RWDD4: variants seen among roughly 807,000 people sequenced by gnomAD.
RWDD4 encodes RWD domain containing 4, also known as RWD domain-containing protein 4.
In RWDD4, 16 loss-of-function variants were observed where a neutral mutation model predicts 30.0. The ratio of observed to expected loss-of-function variants is 0.53; its 90% CI spans 0.36 to 0.81. The LOEUF (loss-of-function observed/expected upper bound fraction) is 0.81. Among genes scored for constraint, RWDD4 ranks in the 30% least tolerant of loss-of-function variants. The probability of loss-of-function intolerance (pLI) is 0.00; values close to 1 mark genes in which losing one functional copy is unlikely to be tolerated. For missense variants in RWDD4, 170 were observed against 223.9 expected (o/e 0.76, Z 1.54); for synonymous variants, 45 against 72.1 (o/e 0.62, Z 1.90).
In RWDD4 at chr4:183,649,582, G is replaced by A; in HGVS notation, c.364-14C>T. ...GCTTATCGATGTCTAAAAAAAAAAA[G>A]AAATAATTCTCAGCCTCATACCTTA... On this transcript the variant is annotated splice_polypyrimidine_tract_variant and intron_variant, in intron 4 of 7. Transcript: ENST00000326397. 2 of 1,270,580 alleles carry A rather than the reference G, an allele frequency of 1.6e-6. No individual in the cohort carries two copies. The highest frequency in any genetic ancestry group is 2.3e-6 in the Non-Finnish European group (2 of 886,166). 78.7% of individuals were successfully genotyped at this position (1,270,580 alleles called of 1,614,324 possible).
chr4:183,645,364 G>A (rs1733947182), intron 7 of RWDD4, among the ~76,000 whole-genome samples: 2 of 152,120 alleles, frequency 1.3e-5, no homozygotes. Flanking sequence ...AGAAAAATCT[G>A]AGACATGTAG....
At chr4:183,656,824 G>A (rs1734204097) in intron 1 of RWDD4, among the ~76,000 whole-genome samples, 1 of 152,086 alleles carries the variant, frequency 6.6e-6, no homozygotes, top group Non-Finnish European at 1.5e-5. Flanking sequence ...TCAGGAGTTC[G>A]AGGTCAGCCT....
chr4:183,642,252 C>G (rs1349888812), intron 7 of RWDD4, among the ~76,000 whole-genome samples: 1 of 80,068 alleles, frequency 1.2e-5, no homozygotes, highest in African/African-American at 8.6e-5. Context: ...TGCAGTGGCG[C>G]GATCTCGGCT....
chr4:183,643,102 A>G (rs1733894822), intron 7 of RWDD4, among the ~76,000 whole-genome samples: 1 of 135,626 alleles, frequency 7.4e-6, no homozygotes, highest in Non-Finnish European at 1.5e-5. Context: ...AAATAAATAA[A>G]TAAAATAAAA....
At chr4:183,645,668 C>T (rs1733953776) in intron 7 of RWDD4, among the ~76,000 whole-genome samples, 1 of 151,534 alleles carries the variant, frequency 6.6e-6, no homozygotes, top group African/African-American at 2.4e-5. Context: ...AGTCAGGAGG[C>T]TGAGGATCAC....
chr4:183,652,613 C>T (rs1734103842), intron 2 of RWDD4, among the ~76,000 whole-genome samples: 1 of 152,002 alleles, frequency 6.6e-6, no homozygotes, highest in Non-Finnish European at 1.5e-5. Flanking sequence ...AGATCGAGAC[C>T]ATCCTGGCCA....
chr4:183,643,634 G>A lies in RWDD4; in HGVS notation c.535-2166C>T, dbSNP rs990416571. The stretch of plus-strand genomic sequence containing the variant: ...AACCTCCTTAAAAATATCTTCTTTC[G>A]GGCTGGGCATGGTGGCTCAAGCCTG... On this transcript the variant is annotated intron_variant, in intron 7 of 7. Transcript: ENST00000326397. Among the ~76,000 whole-genome samples, 11 of 149,652 alleles carry A rather than the reference G, an allele frequency of 7.4e-5. No homozygotes were observed. In the East Asian group the frequency reaches 1.0e-3, roughly 14 times the overall value.
intron 5 of RWDD4, 66 bp downstream of exon 5, chr4:183,649,385 G>A: frequency 9.5e-7 from 1 of 1,052,740 alleles, no homozygotes; most frequent in Non-Finnish European, 1.4e-6. Flanking sequence ...CTGCACTCCA[G>A]CCTGGGCAAC....
At chr4:183,657,563 T>C (rs1463220405) in intron 1 of RWDD4, among the ~76,000 whole-genome samples, 2 of 152,290 alleles carry the variant, frequency 1.3e-5, no homozygotes, top group East Asian at 1.9e-4. Context: ...AATGTAGAAG[T>C]TGAAGATGAA....
rs1734319138 is a variant in RWDD4, at chr4:183,659,180, G to C, written c.-228C>G. The C allele has an allele frequency of 2.5e-6, 1 of 394,610 alleles. No individual in the cohort carries two copies. The highest frequency in any genetic ancestry group is 2.1e-5 in the African/African-American group (1 of 48,390). The allele number at this position is 394,610 out of a possible 1,614,324, so 24.4% of individuals were successfully genotyped here. ...CCGGAGCCGCGGCTGGTGGGGCCTG[G>C]GAAGTGCAGCGTCTCCCTGACGCTT... On this transcript the variant is annotated 5_prime_UTR_variant, in exon 1 of 8. Coordinates refer to ENST00000326397, the MANE Select transcript of RWDD4 (RefSeq NM_152682.4).
Position 183,639,892 on chromosome 4 carries a change from CATA to C in RWDD4, c.*1541_*1543del, listed in dbSNP as rs1323807607. On this transcript the variant is annotated 3_prime_UTR_variant, in exon 8 of 8. Coordinates refer to ENST00000326397, the MANE Select transcript of RWDD4 (RefSeq NM_152682.4). Reference sequence around the variant, plus strand: ...GCATCATTCTCTGTAATCTATGAGCCATAATAAGCCTGAACAATTTCAGTCTCT... The same window carrying C: ...GCATCATTCTCTGTAATCTATGAGCCATAAGCCTGAACAATTTCAGTCTCT... 11 of 152,088 alleles carry C rather than the reference CATA, an allele frequency of 7.2e-5. No individual in the cohort carries two copies. The East Asian group carries it at 2.1e-3, about 29-fold the overall frequency. The allele number at this position is 152,088 out of a possible 1,614,324, so 9.4% of individuals were successfully genotyped here.
At chr4:183,655,303 A>ATT (rs376578650) in intron 2 of RWDD4, among the ~76,000 whole-genome samples, 6 of 147,038 alleles carry the variant, frequency 4.1e-5, no homozygotes, top group African/African-American at 1.5e-4. Flanking sequence ...TACTGTTACT[A>ATT]TTTTTTTTTT....
In RWDD4 at chr4:183,646,356, G is replaced by A. The variant is rs754467725; in HGVS notation, c.532-3C>T. 1.4e-5 allele frequency: 15 copies of A among 1,084,934 alleles called. No individual in the cohort carries two copies. The allele number at this position is 1,084,934 out of a possible 1,614,324, so 67.2% of individuals were successfully genotyped here. On this transcript the variant is annotated splice_region_variant and splice_polypyrimidine_tract_variant and intron_variant, in intron 6 of 7. Coordinates refer to ENST00000326397, the MANE Select transcript of RWDD4 (RefSeq NM_152682.4). ...GGTATTTCAAAAATACTTACATGCT[G>A]AATGTAAAAAAGGAAACAGACATCC... is the stretch of plus-strand genomic sequence containing the variant.
chr4:183,646,299 A>T, intron 7 of RWDD4, 52 bp downstream of exon 7: 1 of 807,140 alleles, frequency 1.2e-6, no homozygotes, highest in Non-Finnish European at 2.1e-6. Context: ...AAGATCTAAA[A>T]TTGAGAGTGC....
At chr4:183,653,222 T>C (rs1295072898) in intron 2 of RWDD4, among the ~76,000 whole-genome samples, 1 of 152,142 alleles carries the variant, frequency 6.6e-6, no homozygotes, top group African/African-American at 2.4e-5. Flanking sequence ...GATCACATGG[T>C]TTAGGTGATC....
chr4:183,644,483 G>GA (rs1213923590), intron 7 of RWDD4, among the ~76,000 whole-genome samples: 1 of 152,184 alleles, frequency 6.6e-6, no homozygotes, highest in African/African-American at 2.4e-5. Flanking sequence ...TAAAGTTTAA[G>GA]AAAATGGCCA....
chr4:183,658,790 G>A, intron 1 of RWDD4, 139 bp downstream of exon 1: 1 of 678,556 alleles, frequency 1.5e-6, no homozygotes, highest in Non-Finnish European at 2.1e-6. Flanking sequence ...GTGGGACGCC[G>A]GTGAACTCGG....
intron 7 of RWDD4, among the ~76,000 whole-genome samples, chr4:183,644,446 C>A (rs1440401756): frequency 6.6e-6 from 1 of 152,202 alleles, no homozygotes; most frequent in Non-Finnish European, 1.5e-5. Flanking sequence ...AAAATGCATT[C>A]AATGGAACAA....
At chr4:183,648,779 T>G (rs1478412821) in intron 5 of RWDD4, among the ~76,000 whole-genome samples, 1 of 152,216 alleles carries the variant, frequency 6.6e-6, no homozygotes, top group Admixed American at 6.5e-5. Context: ...TATAGTTACT[T>G]TGCCACTCGG....
Sources: allele counts gnomAD v4.1 joint callset (sites outside exome capture counted in the v4.1 genomes callset), GRCh38; gene constraint gnomAD v4.1.1; transcripts MANE v1.5; gene names NCBI Gene and HGNC (gene_info 2026-07-23, HGNC 2026-07-21).